GRIK2: variants seen among roughly 807,000 people sequenced by gnomAD.
GRIK2 encodes the protein glutamate receptor ionotropic, kainate 2.
GRIK2 carries 32 observed loss-of-function variants against 100.3 expected under a neutral mutation model. The ratio of observed to expected loss-of-function variants is 0.32; its 90% CI spans 0.24 to 0.43. GRIK2 has a LOEUF of 0.43. Among genes scored for constraint, GRIK2 ranks in the 20% least tolerant of loss-of-function variants. GRIK2 has a pLI of 1.00. For missense variants in GRIK2, 843 were observed against 1,114.9 expected, an observed-to-expected ratio of 0.76 and a Z score of 3.47; for synonymous variants, 417 against 389.4, an observed-to-expected ratio of 1.07 and a Z score of -0.83.
At chr6:101,484,951 C>T (rs960230807) in intron 2 of GRIK2, among the ~76,000 whole-genome samples, 2 of 152,064 alleles carry the variant, frequency 1.3e-5, no homozygotes, top group Admixed American at 6.6e-5. Context: ...CAGACTGCTC[C>T]GGTCTTGAAG....
chr6:101,868,992 C>T lies in GRIK2; in HGVS notation c.1524+9499C>T, dbSNP rs148857093. ...GATATTCTGAAAATATTTTGGGAAA[C>T]ATGAGGGAGTATATCTAATTTTGTC... is the stretch of plus-strand genomic sequence containing the variant. On this transcript the variant is annotated intron_variant, in intron 11 of 16. Transcript: ENST00000369134. 9.2e-5 allele frequency among the ~76,000 whole-genome samples: 14 copies of T among 151,774 alleles called. No homozygotes were observed. The East Asian group carries it at 2.5e-3, about 27-fold the overall frequency.
intron 11 of GRIK2, among the ~76,000 whole-genome samples, chr6:101,884,507 T>C (rs1039789046): frequency 6.6e-6 from 1 of 152,144 alleles, no homozygotes; most frequent in Non-Finnish European, 1.5e-5. Flanking sequence ...TTTGGAGTCA[T>C]TGTGCCATTC....
intron 11 of GRIK2, among the ~76,000 whole-genome samples, chr6:101,888,940 A>G (rs1786851059): frequency 6.6e-6 from 1 of 152,158 alleles, no homozygotes; most frequent in South Asian, 2.1e-4. Flanking sequence ...AGTGAAAAGC[A>G]TTACTAATTC....
intron 14 of GRIK2, among the ~76,000 whole-genome samples, chr6:101,966,692 C>G (rs1354720389): frequency 2.6e-5 from 4 of 152,026 alleles, no homozygotes; most frequent in African/African-American, 4.8e-5. Context: ...CCATCCCCTC[C>G]TCACTTGCTC....
rs1249402878 is a variant in GRIK2 at position 102,068,357 on chromosome 6, G to C, written c.2573G>C (p.Cys858Ser). ...KNAQLEKRSF[C>S]SAMVEELRMS... is the part of the protein sequence containing the mutation. ...TGTGTTCTTCTGTAGAGGTCCTTCT[G>C]TAGTGCCATGGTAGAAGAATTGAGG... Residue 858 changes from cysteine (C) to serine (S), a missense_variant, in exon 17 of 17, where the codon TGT becomes TCT. Transcript: ENST00000369134. 2 of 1,610,230 alleles carry C rather than the reference G, an allele frequency of 1.2e-6. No homozygotes were observed. The highest frequency in any genetic ancestry group is 2.7e-5 in the African/African-American group (2 of 74,694).
intron 2 of GRIK2, among the ~76,000 whole-genome samples, chr6:101,494,550 T>A (rs1773322249): frequency 6.6e-6 from 1 of 152,076 alleles, no homozygotes. Flanking sequence ...AGAATTAGTA[T>A]TCATTGTAGA....
chr6:101,868,124 C>T (rs557260450), intron 11 of GRIK2, among the ~76,000 whole-genome samples: 2 of 149,352 alleles, frequency 1.3e-5, no homozygotes, highest in Non-Finnish European at 3.0e-5. Flanking sequence ...ATAATTTTGC[C>T]CCTACAAACT....
At chr6:101,473,975 G>GT (rs1214037240) in intron 2 of GRIK2, among the ~76,000 whole-genome samples, 2 of 151,794 alleles carry the variant, frequency 1.3e-5, no homozygotes, top group Admixed American at 6.6e-5. Context: ...CTGCTGCCTA[G>GT]TTTTTTCTAA....
intron 2 of GRIK2, among the ~76,000 whole-genome samples, chr6:101,588,689 AGAAAGAAAG>A (rs1315913031): frequency 3.8e-5 from 3 of 79,646 alleles, no homozygotes; most frequent in Non-Finnish European, 7.9e-5. Flanking sequence ...CACACAGAAA[AGAAAGAAAG>A]AAGAAAAGAA....
intron 15 of GRIK2, among the ~76,000 whole-genome samples, chr6:102,047,359 T>G (rs564624474): frequency 6.6e-6 from 1 of 152,148 alleles, no homozygotes; most frequent in South Asian, 2.1e-4. Context: ...AAGAAGGCAT[T>G]AAACTGAAAA....
chr6:102,011,062 T>C (rs930664689), intron 14 of GRIK2, among the ~76,000 whole-genome samples: 1 of 152,134 alleles, frequency 6.6e-6, no homozygotes, highest in African/African-American at 2.4e-5. Context: ...AGAAACATGA[T>C]TGCTGGATTA....
chr6:101,766,706 T>C (rs147742876), intron 7 of GRIK2, among the ~76,000 whole-genome samples: 1 of 152,288 alleles, frequency 6.6e-6, no homozygotes, highest in African/African-American at 2.4e-5. Context: ...GAAAGCATAT[T>C]AGTCCTGTTC....
intron 2 of GRIK2, among the ~76,000 whole-genome samples, chr6:101,530,877 T>C (rs1775407914): frequency 6.6e-6 from 1 of 151,810 alleles, no homozygotes; most frequent in Non-Finnish European, 1.5e-5. Context: ...ACTTACAGAC[T>C]GAAAGGGTAA....
intron 7 of GRIK2, among the ~76,000 whole-genome samples, chr6:101,725,795 CTG>C (rs1484362680): frequency 1.3e-5 from 2 of 151,980 alleles, no homozygotes; most frequent in African/African-American, 4.8e-5. Flanking sequence ...AGTCCAAAGA[CTG>C]TCGTTAACTC....
chr6:101,549,171 C>T (rs887882998), intron 2 of GRIK2, among the ~76,000 whole-genome samples: 4 of 149,902 alleles, frequency 2.7e-5, no homozygotes, highest in East Asian at 3.9e-4. Flanking sequence ...AGAAGAAACA[C>T]ATACAGCATA....
chr6:101,409,778 G>C (rs1775793926), intron 2 of GRIK2, among the ~76,000 whole-genome samples: 2 of 141,132 alleles, frequency 1.4e-5, no homozygotes, highest in African/African-American at 5.2e-5. Flanking sequence ...GAGTTTATTA[G>C]CAGAAAAGGC....
rs565025805 is a variant in GRIK2, at chr6:101,702,528, C to T, written c.951+16175C>T. Among the ~76,000 whole-genome samples the T allele has an allele frequency of 2.0e-5, 3 of 152,048 alleles. No homozygotes were observed. The South Asian group carries it at 6.2e-4, about 32-fold the overall frequency. On this transcript the variant is annotated intron_variant, in intron 7 of 16. Transcript: ENST00000369134. ...ATTAAAAGTAGGATCTTATGGTATA[C>T]ACAGCTTGCTTAATGTTTTCTTAAG...
chr6:101,396,727 T>A (rs969742792), intron 1 of GRIK2, among the ~76,000 whole-genome samples: 1 of 152,288 alleles, frequency 6.6e-6, no homozygotes, highest in South Asian at 2.1e-4. Context: ...TACTCCAGAA[T>A]AATGAATGCC....
chr6:101,682,673 G>T (rs1771364679), intron 6 of GRIK2, 67 bp downstream of exon 6: 1 of 731,812 alleles, frequency 1.4e-6, no homozygotes, highest in Non-Finnish European at 2.4e-6. Context: ...TGAAAAATAG[G>T]TTTTTTAGTA....
Sources: allele counts gnomAD v4.1 joint callset (sites outside exome capture counted in the v4.1 genomes callset), GRCh38; gene constraint gnomAD v4.1.1; transcripts MANE v1.5; gene names NCBI Gene and HGNC (gene_info 2026-07-23, HGNC 2026-07-21).